Variants in CNTNAP5 observed in about 807,000 individuals in gnomAD.
The protein encoded by CNTNAP5 is contactin associated protein family member 5.
Under a neutral mutation model 150.2 loss-of-function variants are expected in CNTNAP5, and 72 were observed. The ratio of observed to expected loss-of-function variants is 0.48; its 90% CI spans 0.40 to 0.58. CNTNAP5 has a LOEUF of 0.58. Among genes scored for constraint, CNTNAP5 ranks in the 20% least tolerant of loss-of-function variants. CNTNAP5 has a pLI of 0.00. For missense variants in CNTNAP5, 1,636 were observed against 1,626.2 expected (o/e 1.01, Z -0.10); for synonymous variants, 672 against 619.8 (o/e 1.08, Z -1.25).
chr2:124,299,747 ACT>A (rs1362894999), intron 3 of CNTNAP5, among the ~76,000 whole-genome samples: 1 of 152,150 alleles, frequency 6.6e-6, no homozygotes, highest in Non-Finnish European at 1.5e-5. Flanking sequence ...AAACTTCCAA[ACT>A]CTCAATGTTG....
chr2:124,260,396 C>T (rs1687423374), intron 3 of CNTNAP5, among the ~76,000 whole-genome samples: 1 of 152,120 alleles, frequency 6.6e-6, no homozygotes, highest in African/African-American at 2.4e-5. Context: ...AAATGTTAGA[C>T]CTAAAACCAT....
intron 2 of CNTNAP5, among the ~76,000 whole-genome samples, chr2:124,225,518 C>A (rs1260812096): frequency 6.6e-6 from 1 of 152,128 alleles, no homozygotes; most frequent in Non-Finnish European, 1.5e-5. Flanking sequence ...AAACTGTATA[C>A]ATTTACAGTG....
chr2:124,458,835 C>T (rs530699153), intron 6 of CNTNAP5, among the ~76,000 whole-genome samples: 13 of 152,072 alleles, frequency 8.5e-5, no homozygotes, highest in African/African-American at 3.1e-4. Context: ...GATGCTCAAC[C>T]TCACTAATAA....
At chr2:124,876,198 G>T (rs1309150571) in intron 21 of CNTNAP5, among the ~76,000 whole-genome samples, 1 of 152,068 alleles carries the variant, frequency 6.6e-6, no homozygotes, top group African/African-American at 2.4e-5. Flanking sequence ...TTAAGTCATG[G>T]GATTGAGTTT....
At chr2:124,762,891 G>A (rs915690274) in intron 14 of CNTNAP5, among the ~76,000 whole-genome samples, 5 of 151,902 alleles carry the variant, frequency 3.3e-5, no homozygotes, top group Non-Finnish European at 7.4e-5. Flanking sequence ...TTTTTTGGGG[G>A]AAAAATACCT....
intron 11 of CNTNAP5, among the ~76,000 whole-genome samples, chr2:124,570,244 C>T (rs973469838): frequency 1.3e-5 from 2 of 152,130 alleles, no homozygotes; most frequent in Admixed American, 6.5e-5. Context: ...GTAGCAAGAG[C>T]ATTGTTACTT....
At chr2:124,227,091 T>A (rs1385228005) in intron 2 of CNTNAP5, among the ~76,000 whole-genome samples, 1 of 152,134 alleles carries the variant, frequency 6.6e-6, no homozygotes, top group Non-Finnish European at 1.5e-5. Context: ...ACGTTCAAGT[T>A]ATAGCAGTGT....
intron 1 of CNTNAP5, among the ~76,000 whole-genome samples, chr2:124,041,678 C>CT (rs1368611668): frequency 6.6e-6 from 1 of 152,004 alleles, no homozygotes; most frequent in African/African-American, 2.4e-5. Flanking sequence ...TTTCTATTGG[C>CT]ATATAGTGAA....
chr2:124,233,258 G>T (rs1461340742), intron 2 of CNTNAP5, among the ~76,000 whole-genome samples: 1 of 151,976 alleles, frequency 6.6e-6, no homozygotes, highest in Admixed American at 6.6e-5. Flanking sequence ...CCTGTGGCTT[G>T]TTTTTTAAGC....
chr2:124,662,881 T>C (rs1467707192), intron 13 of CNTNAP5, among the ~76,000 whole-genome samples: 1 of 152,228 alleles, frequency 6.6e-6, no homozygotes, highest in Non-Finnish European at 1.5e-5. Context: ...GCACTTTACA[T>C]GTTTTTTCTG....
At chr2:124,535,707 G>A (rs748417673) in intron 10 of CNTNAP5, among the ~76,000 whole-genome samples, 2 of 151,968 alleles carry the variant, frequency 1.3e-5, no homozygotes, top group Non-Finnish European at 2.9e-5. Flanking sequence ...AACCCAGGAA[G>A]CAGAGGTTGC....
chr2:124,386,821 C>A (rs921087512), intron 3 of CNTNAP5, among the ~76,000 whole-genome samples: 2 of 152,118 alleles, frequency 1.3e-5, no homozygotes, highest in African/African-American at 4.8e-5. Flanking sequence ...GTTTGTGTCC[C>A]CCCAGAATTT....
At chr2:124,158,477 C>T (rs72980527) in intron 1 of CNTNAP5, among the ~76,000 whole-genome samples, 4,334 of 152,246 alleles carry the variant, frequency 0.028, 81 homozygotes, top group African/African-American at 0.065. Flanking sequence ...TTAAATTCAA[C>T]GTAATACTAC....
At chr2:124,472,845 T>C (rs1222946710) in intron 6 of CNTNAP5, among the ~76,000 whole-genome samples, 6 of 151,902 alleles carry the variant, frequency 3.9e-5, no homozygotes, top group Non-Finnish European at 1.5e-5. Context: ...CACCCACTGT[T>C]GGAAAAATAG....
intron 1 of CNTNAP5, among the ~76,000 whole-genome samples, chr2:124,100,197 C>A (rs1683032622): frequency 6.6e-6 from 1 of 152,064 alleles, no homozygotes; most frequent in African/African-American, 2.4e-5. Flanking sequence ...GGAGGGGCGA[C>A]ACATTTTTAA....
At chr2:124,832,517 T>C (rs1434328509) in intron 19 of CNTNAP5, among the ~76,000 whole-genome samples, 6 of 152,174 alleles carry the variant, frequency 3.9e-5, no homozygotes, top group African/African-American at 1.4e-4. Context: ...TTTCCATGAC[T>C]AAACTTTATT....
chr2:124,360,380 G>A (rs1159261171), intron 3 of CNTNAP5, among the ~76,000 whole-genome samples: 1 of 148,540 alleles, frequency 6.7e-6, no homozygotes, highest in Non-Finnish European at 1.5e-5. Context: ...ATGCTCGTTA[G>A]TTGATGCAGT....
chr2:124,778,868 C>T (rs970698558), intron 17 of CNTNAP5, among the ~76,000 whole-genome samples: 4 of 151,930 alleles, frequency 2.6e-5, no homozygotes, highest in Admixed American at 6.6e-5. Context: ...AGAGTTTCTT[C>T]TGAACCTGGA....
intron 1 of CNTNAP5, among the ~76,000 whole-genome samples, chr2:124,061,004 A>C (rs1681995592): frequency 6.6e-6 from 1 of 152,118 alleles, no homozygotes; most frequent in Non-Finnish European, 1.5e-5. Context: ...TGGGGCTGCC[A>C]GTGCCATTTA....
Sources: allele counts gnomAD v4.1 joint callset (sites outside exome capture counted in the v4.1 genomes callset), GRCh38; gene constraint gnomAD v4.1.1; transcripts MANE v1.5; gene names NCBI Gene and HGNC (gene_info 2026-07-23, HGNC 2026-07-21).